Variants in DGKB observed in about 807,000 individuals in gnomAD.
DGKB encodes 90 kDa diacylglycerol kinase.
In DGKB, 67 loss-of-function variants were observed where a neutral mutation model predicts 114.3. The observed-to-expected ratio is 0.59, with a 90% confidence interval of 0.48 to 0.72. The LOEUF (loss-of-function observed/expected upper bound fraction) is 0.72, where lower values mean the gene tolerates loss of function less well. Ranked by LOEUF, DGKB falls within the 30% of genes least tolerant of loss-of-function variation. The pLI is 0.00. For synonymous variants in DGKB, 398 were observed against 323.1 expected, an observed-to-expected ratio of 1.23 and a Z score of -2.49; for missense variants, 907 against 975.2, an observed-to-expected ratio of 0.93 and a Z score of 0.93.
intron 1 of DGKB, among the ~76,000 whole-genome samples, chr7:14,944,174 T>C (rs1270939048): frequency 6.6e-6 from 1 of 151,968 alleles, no homozygotes; most frequent in Admixed American, 6.6e-5. Context: ...TACCTGCTAG[T>C]GGCAAAAATG....
At chr7:14,722,812 A>G in intron 5 of DGKB, among the ~76,000 whole-genome samples, 1 of 151,838 alleles carries the variant, frequency 6.6e-6, no homozygotes, top group East Asian at 1.9e-4. Flanking sequence ...ACTGTCTCAA[A>G]AATAAATAAA....
intron 13 of DGKB, among the ~76,000 whole-genome samples, chr7:14,640,160 A>G (rs1811477475): frequency 6.6e-6 from 1 of 152,218 alleles, no homozygotes; most frequent in Non-Finnish European, 1.5e-5. Context: ...GTTTAGTACT[A>G]AATTACATAA....
chr7:14,314,164 A>C (rs369698682), intron 23 of DGKB, among the ~76,000 whole-genome samples: 2,910 of 152,230 alleles, frequency 0.019, 88 homozygotes, highest in African/African-American at 0.067. Flanking sequence ...AAAGTAGATA[A>C]AACCACAAAG....
In DGKB at chr7:14,805,343, G is replaced by C. The variant is rs1842666443; in HGVS notation, c.70+35851C>G. 2.0e-5 allele frequency among the ~76,000 whole-genome samples: 3 copies of C among 152,190 alleles called. No individual in the cohort carries two copies. The South Asian group carries it at 6.2e-4, about 32-fold the overall frequency. On this transcript the variant is annotated intron_variant, in intron 2 of 25. Transcript: ENST00000402815. ...CAATAGTGAAAGTGGGAATAAACCT[G>C]TGAGTGGATTAGTGTAAGATTCTAG...
At chr7:14,817,162 G>A (rs578042206) in intron 2 of DGKB, among the ~76,000 whole-genome samples, 1 of 152,230 alleles carries the variant, frequency 6.6e-6, no homozygotes, top group African/African-American at 2.4e-5. Context: ...CGGGGATCTT[G>A]ACTTTCACTT....
At chr7:14,879,587 C>A (rs1411985147) in intron 1 of DGKB, among the ~76,000 whole-genome samples, 1 of 152,160 alleles carries the variant, frequency 6.6e-6, no homozygotes, top group Non-Finnish European at 1.5e-5. Context: ...GGCTATGAAG[C>A]CCCAAGTATC....
chr7:14,734,464 G>T (rs1372342643), intron 5 of DGKB, among the ~76,000 whole-genome samples: 1 of 152,008 alleles, frequency 6.6e-6, no homozygotes, highest in Non-Finnish European at 1.5e-5. Flanking sequence ...TTTCATAACG[G>T]TATTAAGATA....
chr7:14,966,172 C>G (rs1024018313), intron 1 of DGKB, among the ~76,000 whole-genome samples: 4 of 152,064 alleles, frequency 2.6e-5, no homozygotes, highest in African/African-American at 9.7e-5. Context: ...ATTTCCTTCT[C>G]CTGTTTTCTA....
At chr7:14,366,132 C>G (rs1266207197) in intron 21 of DGKB, among the ~76,000 whole-genome samples, 1 of 152,062 alleles carries the variant, frequency 6.6e-6, no homozygotes, top group East Asian at 1.9e-4. Flanking sequence ...ACATAACAGA[C>G]TTTAGATGTA....
intron 1 of DGKB, among the ~76,000 whole-genome samples, chr7:14,843,315 C>CTTTTT (rs761304991): frequency 7.8e-5 from 6 of 77,230 alleles, no homozygotes; most frequent in Non-Finnish European, 1.4e-4. Context: ...ATTTTAATAA[C>CTTTTT]TTTTTTTTTT....
upstream of DGKB, among the ~76,000 whole-genome samples, chr7:14,907,775 G>A (rs895962516): frequency 6.6e-6 from 1 of 152,156 alleles, no homozygotes; most frequent in African/African-American, 2.4e-5. Flanking sequence ...AAATCAGAAA[G>A]GCAATTCTTC....
upstream of DGKB, among the ~76,000 whole-genome samples, chr7:14,905,244 G>GTTT (rs55752603): frequency 0.13 from 17,965 of 139,194 alleles, 1,621 homozygotes; most frequent in Non-Finnish European, 0.2. Flanking sequence ...CATCTTGTTA[G>GTTT]TTTTTTTTTT....
At chr7:14,527,367 T>A (rs1680565047) in intron 20 of DGKB, among the ~76,000 whole-genome samples, 1 of 152,134 alleles carries the variant, frequency 6.6e-6, no homozygotes, top group Admixed American at 6.6e-5. Context: ...AAACTTATAT[T>A]GAGCTTTCCT....
chr7:14,864,378 G>C (rs1851421040), intron 1 of DGKB, among the ~76,000 whole-genome samples: 1 of 151,992 alleles, frequency 6.6e-6, no homozygotes, highest in Non-Finnish European at 1.5e-5. Flanking sequence ...GATCATATGA[G>C]CACTTGAAAT....
chr7:14,601,435 A>T (rs956527824), intron 17 of DGKB, among the ~76,000 whole-genome samples: 1 of 152,134 alleles, frequency 6.6e-6, no homozygotes, highest in South Asian at 2.1e-4. Flanking sequence ...TTCCTTCTAG[A>T]CATACTAATC....
chr7:14,370,758 A>T (rs1817497126), intron 21 of DGKB, among the ~76,000 whole-genome samples: 2 of 152,166 alleles, frequency 1.3e-5, no homozygotes. Flanking sequence ...GATAAAAATG[A>T]TCCTGTCACC....
At chr7:14,753,511 A>AAACAAGACAAAACG (rs1834413096) in intron 4 of DGKB, among the ~76,000 whole-genome samples, 1 of 151,758 alleles carries the variant, frequency 6.6e-6, no homozygotes, top group Non-Finnish European at 1.5e-5. Context: ...TAGACAAAAC[A>AAACAAGACAAAACG]AAACAAAACA....
intron 23 of DGKB, among the ~76,000 whole-genome samples, chr7:14,249,554 C>A (rs1267388524): frequency 2.0e-5 from 3 of 152,068 alleles, no homozygotes; most frequent in African/African-American, 7.2e-5. Context: ...ATTACTTTAT[C>A]ATTTAGTTTT....
chr7:14,864,101 C>CAAAAA (rs34612317), intron 1 of DGKB, among the ~76,000 whole-genome samples: 1 of 96,512 alleles, frequency 1.0e-5, no homozygotes, highest in African/African-American at 3.3e-5. Context: ...AACTCTGTTT[C>CAAAAA]AAAAAAAAAA....
Sources: gnomAD v4.1 joint callset for allele counts (sites outside exome capture counted in the v4.1 genomes callset) on GRCh38, gnomAD v4.1.1 for gene constraint, MANE v1.5 for transcripts, NCBI Gene and HGNC (gene_info 2026-07-23, HGNC 2026-07-21) for gene names.